The following NEDD4L variants were observed in gnomAD, a reference collection of about 807,000 sequenced individuals.
NEDD4L encodes the protein E3 ubiquitin-protein ligase NEDD4-like.
Under a neutral mutation model 148.9 loss-of-function variants are expected in NEDD4L, and 54 were observed. The observed-to-expected ratio is 0.36, with a 90% confidence interval of 0.29 to 0.45. The LOEUF is 0.45. Among genes scored for constraint, NEDD4L ranks in the 20% least tolerant of loss-of-function variants. The probability of loss-of-function intolerance (pLI) is 1.00; values close to 1 mark genes in which losing one functional copy is unlikely to be tolerated. For missense variants in NEDD4L, 856 were observed against 1,233.8 expected (o/e 0.69, Z 4.59); for synonymous variants, 433 against 440.7 (o/e 0.98, Z 0.22).
At position 58,333,829 on chromosome 18, in the gene NEDD4L, C is replaced by T; in HGVS notation, c.1002C>T (p.Pro334=). 2 of 1,613,444 alleles carry T rather than the reference C, an allele frequency of 1.2e-6. No homozygotes were observed. The highest frequency in any genetic ancestry group is 1.1e-5 in the South Asian group (1 of 91,044). ...TCCTCTCCTTCCAGCAAAGAGAACC[C>T]TCCTCAAGGTTGAGGTCATGCAGTG... ...EQFSSLIQRE[P]SSRLRSCSVT... The change falls in exon 12 of 31, where the codon CCC becomes CCT. Residue 334 remains proline (P), a synonymous_variant. Coordinates refer to ENST00000400345, the MANE Select transcript of NEDD4L (RefSeq NM_001144967.3).
intron 2 of NEDD4L, among the ~76,000 whole-genome samples, chr18:58,224,636 A>G (rs1161975720): frequency 3.9e-5 from 6 of 152,190 alleles, no homozygotes; most frequent in African/African-American, 9.6e-5. Flanking sequence ...TTGTATAACT[A>G]TTTAGCTTAA....
intron 1 of NEDD4L, among the ~76,000 whole-genome samples, chr18:58,082,103 T>TATATATATA (rs1491360930): frequency 1.9e-5 from 1 of 53,972 alleles, no homozygotes; most frequent in Non-Finnish European, 3.4e-5. Context: ...TATATATATA[T>TATATATATA]TTTTTTTTTT....
intron 27 of NEDD4L, 60 bp from the exon 28 acceptor site, chr18:58,389,025 C>G: frequency 7.3e-7 from 1 of 1,368,744 alleles, no homozygotes; most frequent in Non-Finnish European, 1.0e-6. Flanking sequence ...GGTCATTTCT[C>G]AGTGTGTGAT....
Position 58,341,178 on chromosome 18 carries a change from A to G in NEDD4L, c.1257+9A>G. On this transcript the variant is annotated intron_variant, in intron 14 of 30. Coordinates refer to ENST00000400345, the MANE Select transcript of NEDD4L (RefSeq NM_001144967.3). ...CTCGACCTATCATGCAGGTACGAAGATTGCCATCCAACTTAAAACCGCAGG... is the reference window on the plus strand; with the variant it reads ...CTCGACCTATCATGCAGGTACGAAGGTTGCCATCCAACTTAAAACCGCAGG... The G allele has an allele frequency of 1.2e-6, 2 of 1,611,426 alleles. No individual in the cohort carries two copies.
chr18:58,066,826 A>G (rs1482187380), intron 1 of NEDD4L, among the ~76,000 whole-genome samples: 1 of 152,032 alleles, frequency 6.6e-6, no homozygotes, highest in South Asian at 2.1e-4. Flanking sequence ...GGTGCCACAT[A>G]TTTTTAAATA....
intron 5 of NEDD4L, among the ~76,000 whole-genome samples, chr18:58,311,473 C>CT (rs969520837): frequency 1.3e-5 from 2 of 152,136 alleles, no homozygotes; most frequent in African/African-American, 4.8e-5. Context: ...AGCTGGGGGT[C>CT]TTTAGGACCC....
intron 2 of NEDD4L, among the ~76,000 whole-genome samples, chr18:58,219,614 A>C (rs2043517403): frequency 8.1e-6 from 1 of 123,262 alleles, no homozygotes; most frequent in Non-Finnish European, 1.6e-5. Flanking sequence ...GGGTCTTCCC[A>C]GGTCATTTGT....
At chr18:58,110,351 TA>T (rs1393633870) in intron 1 of NEDD4L, among the ~76,000 whole-genome samples, 1 of 152,180 alleles carries the variant, frequency 6.6e-6, no homozygotes, top group Non-Finnish European at 1.5e-5. Flanking sequence ...GTATCTAGGG[TA>T]GTCATTAAGA....
chr18:58,184,920 T>G (rs1289378738), intron 2 of NEDD4L, among the ~76,000 whole-genome samples: 1 of 149,806 alleles, frequency 6.7e-6, no homozygotes, highest in African/African-American at 2.5e-5. Flanking sequence ...AGAGCGAGAC[T>G]CCATCTCAAA....
chr18:58,202,175 C>T (rs1450982312), intron 2 of NEDD4L, among the ~76,000 whole-genome samples: 2 of 152,168 alleles, frequency 1.3e-5, no homozygotes, highest in Non-Finnish European at 1.5e-5. Context: ...TTCTTCCTGC[C>T]TCAAGTTTTT....
At chr18:58,138,532 C>T (rs957808911) in intron 1 of NEDD4L, among the ~76,000 whole-genome samples, 3 of 152,308 alleles carry the variant, frequency 2.0e-5, no homozygotes, top group Admixed American at 6.5e-5. Context: ...ACCTGTCCCT[C>T]TTCCCTCCTT....
intron 1 of NEDD4L, among the ~76,000 whole-genome samples, chr18:58,099,480 A>G (rs2084627036): frequency 6.6e-6 from 1 of 152,206 alleles, no homozygotes; most frequent in Non-Finnish European, 1.5e-5. Context: ...TCTCATGCAC[A>G]TGACCCACAT....
intron 2 of NEDD4L, among the ~76,000 whole-genome samples, chr18:58,215,792 T>G (rs181430989): frequency 3.0e-4 from 46 of 152,298 alleles, no homozygotes; most frequent in African/African-American, 1.1e-3. Context: ...CTTTTAGTTG[T>G]TTTTTAGGAG....
intron 1 of NEDD4L, among the ~76,000 whole-genome samples, chr18:58,067,720 T>A (rs2144823718): frequency 6.6e-6 from 1 of 152,284 alleles, no homozygotes; most frequent in South Asian, 2.1e-4. Context: ...AGTGGAACAC[T>A]TGAGGAGTGG....
intron 5 of NEDD4L, among the ~76,000 whole-genome samples, chr18:58,294,503 T>C (rs2055256899): frequency 6.6e-6 from 1 of 152,190 alleles, no homozygotes; most frequent in African/African-American, 2.4e-5. Flanking sequence ...AAACTGTTGC[T>C]CTTTCAAAAA....
At chr18:58,290,725 G>A (rs2054596574) in intron 5 of NEDD4L, among the ~76,000 whole-genome samples, 1 of 146,176 alleles carries the variant, frequency 6.8e-6, no homozygotes, top group Non-Finnish European at 1.5e-5. Context: ...TTTTAGTCAA[G>A]TTTTTTTTTT....
At chr18:58,381,580 G>A (rs531910804) in intron 24 of NEDD4L, among the ~76,000 whole-genome samples, 5 of 152,314 alleles carry the variant, frequency 3.3e-5, no homozygotes, top group East Asian at 3.9e-4. Flanking sequence ...GAGTGTAGCC[G>A]AGCTGTACCG....
chr18:58,295,586 A>C (rs1015081524), intron 5 of NEDD4L, among the ~76,000 whole-genome samples: 3 of 152,142 alleles, frequency 2.0e-5, no homozygotes, highest in African/African-American at 7.2e-5. Context: ...AAATAGTTTA[A>C]ATGACATATC....
chr18:58,255,633 T>C (rs1030908155), intron 5 of NEDD4L: 4 of 1,232,324 alleles, frequency 3.2e-6, no homozygotes, highest in African/African-American at 1.6e-5. Flanking sequence ...CTGGCCCCCC[T>C]GGTCACCATG....
Sources: allele counts gnomAD v4.1 joint callset (sites outside exome capture counted in the v4.1 genomes callset), GRCh38; gene constraint gnomAD v4.1.1; transcripts MANE v1.5; gene names NCBI Gene and HGNC (gene_info 2026-07-23, HGNC 2026-07-21).